ABTB2: variants seen among roughly 807,000 people sequenced by gnomAD.
ABTB2 encodes the protein ankyrin repeat and BTB domain containing 2.
A neutral mutation model predicts 104.1 loss-of-function variants in ABTB2; 56 were observed. The ratio of observed to expected loss-of-function variants is 0.54; its 90% CI spans 0.43 to 0.67. The LOEUF is 0.67. Ranked by LOEUF, ABTB2 falls within the 30% of genes least tolerant of loss-of-function variation. ABTB2 has a pLI of 0.00. For missense variants in ABTB2, 1,279 were observed against 1,407.7 expected, an observed-to-expected ratio of 0.91 and a Z score of 1.46; for synonymous variants, 606 against 608.2, an observed-to-expected ratio of 1.00 and a Z score of 0.05.
chr11:34,297,119 A>T (rs1390738116), intron 1 of ABTB2, among the ~76,000 whole-genome samples: 1 of 152,206 alleles, frequency 6.6e-6, no homozygotes, highest in African/African-American at 2.4e-5. Flanking sequence ...GGAAATCTAG[A>T]TTTAGTCTTG....
chr11:34,240,923 T>A (rs978127196), intron 1 of ABTB2, among the ~76,000 whole-genome samples: 1 of 152,188 alleles, frequency 6.6e-6, no homozygotes, highest in Non-Finnish European at 1.5e-5. Flanking sequence ...ATTTTTCTTC[T>A]TTTTAATTTT....
intron 1 of ABTB2, among the ~76,000 whole-genome samples, chr11:34,337,445 T>C (rs1855205060): frequency 6.6e-6 from 1 of 152,210 alleles, no homozygotes; most frequent in East Asian, 1.9e-4. Context: ...AGCAGCTTTC[T>C]CAAAAAATTC....
chr11:34,286,601 T>C (rs1786070607), intron 1 of ABTB2, among the ~76,000 whole-genome samples: 1 of 152,046 alleles, frequency 6.6e-6, no homozygotes, highest in Admixed American at 6.5e-5. Flanking sequence ...CCTCAAAATA[T>C]TTTAAAAAAG....
chr11:34,197,597 G>T, intron 2 of ABTB2, 59 bp from the exon 3 acceptor site: 1 of 1,199,376 alleles, frequency 8.3e-7, no homozygotes, highest in African/African-American at 1.5e-5. Context: ...CAAAGTCTGA[G>T]TTCACAGCCT....
intron 1 of ABTB2, among the ~76,000 whole-genome samples, chr11:34,331,007 G>T (rs1372566746): frequency 6.6e-6 from 1 of 152,184 alleles, no homozygotes; most frequent in East Asian, 1.9e-4. Context: ...GAGCTTGGCA[G>T]CAGAGATTTC....
intron 1 of ABTB2, among the ~76,000 whole-genome samples, chr11:34,269,530 C>T (rs538262545): frequency 2.0e-4 from 30 of 152,298 alleles, no homozygotes; most frequent in African/African-American, 7.2e-4. Context: ...GCTTTGTGGA[C>T]CATGTGGTCT....
intron 1 of ABTB2, among the ~76,000 whole-genome samples, chr11:34,279,787 CT>C (rs397849748): frequency 1.2e-3 from 161 of 129,530 alleles, no homozygotes; most frequent in South Asian, 8.4e-3. Context: ...CTTTCTTCTT[CT>C]TTTTTTTTTT....
chr11:34,159,215 C>T (rs966655156), intron 14 of ABTB2, 81 bp downstream of exon 14: 1 of 1,036,356 alleles, frequency 9.6e-7, no homozygotes, highest in African/African-American at 1.6e-5. Context: ...ACAATGACAA[C>T]CAATGCACAG....
chr11:34,293,031 G>A lies in ABTB2; in HGVS notation c.883+63670C>T, dbSNP rs2611125. Among the ~76,000 whole-genome samples the A allele has an allele frequency of 7.0e-3, 1,073 of 152,284 alleles. 7 individuals carry two copies. The highest frequency in any genetic ancestry group is 0.019 in the African/African-American group (774 of 41,550). ...GAGTGGGGTCAAGGAGACAGGTTAG[G>A]AGGTCATGGATGCAGTGGAAGAGTG... On this transcript the variant is annotated intron_variant, in intron 1 of 16. Coordinates refer to ENST00000435224, the MANE Select transcript of ABTB2 (RefSeq NM_145804.3).
chr11:34,322,173 A>G (rs1855012814), intron 1 of ABTB2, among the ~76,000 whole-genome samples: 1 of 152,190 alleles, frequency 6.6e-6, no homozygotes, highest in African/African-American at 2.4e-5. Flanking sequence ...GACGTCAAAT[A>G]CCTTTTCATC....
intron 1 of ABTB2, among the ~76,000 whole-genome samples, chr11:34,274,582 C>T (rs12361154): frequency 8.6e-5 from 13 of 151,144 alleles, no homozygotes; most frequent in African/African-American, 2.2e-4. Flanking sequence ...CACACACACG[C>T]GTGTGTGTGT....
chr11:34,323,047 C>T (rs1042582296), intron 1 of ABTB2, among the ~76,000 whole-genome samples: 3 of 152,140 alleles, frequency 2.0e-5, no homozygotes, highest in African/African-American at 7.2e-5. Context: ...GCTGGGATTA[C>T]AGGCACCTGC....
rs147072433 is a variant in ABTB2 at position 34,216,813 on chromosome 11, T to G, written c.884-12123A>C. On this transcript the variant is annotated intron_variant, in intron 1 of 16. Coordinates refer to ENST00000435224, the MANE Select transcript of ABTB2 (RefSeq NM_145804.3). ...AAGTTTCCTCCATGTCTGCATGGCT[T>G]GATATTCCAGAAGCAGGGCTTGGAC... is the stretch of plus-strand genomic sequence containing the variant. 5.2e-3 allele frequency among the ~76,000 whole-genome samples: 789 copies of G among 152,334 alleles called. 5 individuals carry two copies. The highest frequency in any genetic ancestry group is 8.3e-3 in the Non-Finnish European group (563 of 68,030).
intron 1 of ABTB2, among the ~76,000 whole-genome samples, chr11:34,339,541 CA>C (rs1279824503): frequency 2.6e-5 from 4 of 152,210 alleles, no homozygotes; most frequent in Non-Finnish European, 4.4e-5. Flanking sequence ...GGAGGGCCCT[CA>C]GTGAGGACCC....
chr11:34,205,072 A>G (rs1380627723), intron 1 of ABTB2, among the ~76,000 whole-genome samples: 3 of 152,230 alleles, frequency 2.0e-5, no homozygotes, highest in Non-Finnish European at 4.4e-5. Flanking sequence ...CGCTCGTTGA[A>G]TATTTACAGA....
chr11:34,198,421 C>T (rs1294081291), intron 2 of ABTB2, among the ~76,000 whole-genome samples: 1 of 148,554 alleles, frequency 6.7e-6, no homozygotes, highest in African/African-American at 2.6e-5. Context: ...GACAGTGAGA[C>T]TTTGTCTCAA....
chr11:34,284,510 C>T (rs1384792878), intron 1 of ABTB2, among the ~76,000 whole-genome samples: 1 of 152,116 alleles, frequency 6.6e-6, no homozygotes, highest in Non-Finnish European at 1.5e-5. Context: ...ACTTTAATCA[C>T]ACTAATAAAT....
intron 1 of ABTB2, among the ~76,000 whole-genome samples, chr11:34,292,719 G>A (rs1284709226): frequency 6.6e-6 from 1 of 152,184 alleles, no homozygotes; most frequent in Non-Finnish European, 1.5e-5. Context: ...GGACAGGGGA[G>A]TGGAGCTCCC....
In ABTB2 at chr11:34,339,855, C is replaced by T. The variant is rs1855240977; in HGVS notation, c.883+16846G>A. ...ATAAATACATGAGCACTTCACACCA[C>T]AAATTAATCCTATAGAAATAATCCA... is the stretch of plus-strand genomic sequence containing the variant. On this transcript the variant is annotated intron_variant, in intron 1 of 16. Coordinates refer to ENST00000435224, the MANE Select transcript of ABTB2 (RefSeq NM_145804.3). Among the ~76,000 whole-genome samples the T allele has an allele frequency of 1.3e-5, 2 of 152,164 alleles. 1 individual carries two copies. Among genetic ancestry groups the T allele is most frequent in the African/African-American group, 4.8e-5 (2 of 41,438 alleles).
Sources: allele counts gnomAD v4.1 joint callset (sites outside exome capture counted in the v4.1 genomes callset), GRCh38; gene constraint gnomAD v4.1.1; transcripts MANE v1.5; gene names NCBI Gene and HGNC (gene_info 2026-07-23, HGNC 2026-07-21).